SEMA3E: variants seen among roughly 807,000 people sequenced by gnomAD.
SEMA3E encodes the protein semaphorin 3E.
SEMA3E carries 49 observed loss-of-function variants against 93.6 expected under a neutral mutation model. The ratio of observed to expected loss-of-function variants is 0.52; its 90% confidence interval spans 0.42 to 0.66. The LOEUF (loss-of-function observed/expected upper bound fraction) is 0.66, where lower values mean the gene tolerates loss of function less well. Among genes scored for constraint, SEMA3E ranks in the 30% least tolerant of loss-of-function variants. The pLI, the probability that SEMA3E is intolerant of heterozygous loss-of-function variation, is 0.00. For synonymous variants in SEMA3E, 363 were observed against 330.7 expected, an observed-to-expected ratio of 1.10 and a Z score of -1.06; for missense variants, 906 against 964.8, an observed-to-expected ratio of 0.94 and a Z score of 0.81.
At chr7:83,368,776 T>G (rs1849472900) in intron 16 of SEMA3E, among the ~76,000 whole-genome samples, 1 of 152,212 alleles carries the variant, frequency 6.6e-6, no homozygotes, top group Non-Finnish European at 1.5e-5. Context: ...AATAAATAAT[T>G]ATAATTCAGA....
At chr7:83,522,385 C>T (rs1442829782) in intron 1 of SEMA3E, among the ~76,000 whole-genome samples, 1 of 152,012 alleles carries the variant, frequency 6.6e-6, no homozygotes, top group Non-Finnish European at 1.5e-5. Context: ...TAGCCATTGA[C>T]CAATATTTGA....
chr7:83,449,086 A>C (rs1442655573), intron 4 of SEMA3E, among the ~76,000 whole-genome samples: 1 of 126,180 alleles, frequency 7.9e-6, no homozygotes, highest in African/African-American at 2.6e-5. Flanking sequence ...TTATTTTTTA[A>C]ATTTTATTTA....
chr7:83,567,596 CAAG>C (rs1792189260), intron 1 of SEMA3E, among the ~76,000 whole-genome samples: 1 of 151,960 alleles, frequency 6.6e-6, no homozygotes, highest in Admixed American at 6.6e-5. Flanking sequence ...AAGTCAGTAA[CAAG>C]AAGAACTTTG....
chr7:83,458,455 G>A (rs984968984), intron 4 of SEMA3E, among the ~76,000 whole-genome samples: 3 of 152,052 alleles, frequency 2.0e-5, no homozygotes, highest in African/African-American at 7.2e-5. Flanking sequence ...ATGTGGAAAT[G>A]AATGGCTAGA....
At chr7:83,430,399 A>G (rs536296123) in intron 4 of SEMA3E, among the ~76,000 whole-genome samples, 35 of 152,086 alleles carry the variant, frequency 2.3e-4, no homozygotes, top group African/African-American at 8.0e-4. Flanking sequence ...CAGGAGACAG[A>G]GGTTACAGTG....
chr7:83,418,364 C>T (rs897957433), intron 5 of SEMA3E, 26 bp downstream of exon 5: 3 of 1,492,066 alleles, frequency 2.0e-6, no homozygotes, highest in Middle Eastern at 3.4e-4. Flanking sequence ...TGACTACCAC[C>T]TGATGTCTGT....
At chr7:83,552,363 C>T (rs552927855) in intron 1 of SEMA3E, among the ~76,000 whole-genome samples, 255 of 152,220 alleles carry the variant, frequency 1.7e-3, no homozygotes, top group African/African-American at 5.9e-3. Flanking sequence ...ACCTCAAGAC[C>T]ACTGTGATAA....
At chr7:83,403,577 G>T (rs1788271821) in intron 9 of SEMA3E, among the ~76,000 whole-genome samples, 1 of 151,828 alleles carries the variant, frequency 6.6e-6, no homozygotes, top group South Asian at 2.1e-4. Flanking sequence ...CCTTAATTTA[G>T]CATGAACTGA....
chr7:83,618,009 G>A lies in SEMA3E; in HGVS notation c.115+30419C>T, dbSNP rs140407056. 9.8e-4 allele frequency among the ~76,000 whole-genome samples: 149 copies of A among 152,108 alleles called. 3 individuals are homozygous for A. The East Asian group carries it at 0.027, about 27-fold the overall frequency. ...TAAGGAAGATAACAAATAAGACATA[G>A]CCCTTTGTGCATTTTGCTTTACTCA... is the stretch of plus-strand genomic sequence containing the variant. On this transcript the variant is annotated intron_variant, in intron 1 of 16. Coordinates refer to ENST00000643230, the MANE Select transcript of SEMA3E (RefSeq NM_012431.3).
At chr7:83,536,552 GAATC>G (rs1260883334) in intron 1 of SEMA3E, among the ~76,000 whole-genome samples, 1 of 151,760 alleles carries the variant, frequency 6.6e-6, no homozygotes, top group Non-Finnish European at 1.5e-5. Flanking sequence ...AACAATAAAA[GAATC>G]AAGCCTACAA....
At chr7:83,397,050 C>T (rs145538356) in intron 11 of SEMA3E, among the ~76,000 whole-genome samples, 11 of 148,432 alleles carry the variant, frequency 7.4e-5, no homozygotes, top group African/African-American at 2.7e-4. Flanking sequence ...CACTGCACTA[C>T]AGCCTGGGGG....
At chr7:83,507,021 G>A (rs1355237638) in intron 1 of SEMA3E, among the ~76,000 whole-genome samples, 2 of 152,152 alleles carry the variant, frequency 1.3e-5, no homozygotes, top group African/African-American at 4.8e-5. Context: ...CATCTCCTTT[G>A]AGAATCAACT....
chr7:83,414,811 G>A lies in SEMA3E; in HGVS notation c.550+3579C>T, dbSNP rs183091473. Among the ~76,000 whole-genome samples, 513 of 152,018 alleles carry A rather than the reference G, an allele frequency of 3.4e-3. 5 individuals are homozygous for A. Among genetic ancestry groups the A allele is most frequent in the Non-Finnish European group, 6.2e-3 (419 of 67,950 alleles). On this transcript the variant is annotated intron_variant, in intron 5 of 16. Coordinates refer to ENST00000643230, the MANE Select transcript of SEMA3E (RefSeq NM_012431.3). Reference sequence around the variant, plus strand: ...TTTTTTCCCCAAACTCTAGCTACATGTGTCTTATCATACCTTAGGCATTTC... The same window carrying A: ...TTTTTTCCCCAAACTCTAGCTACATATGTCTTATCATACCTTAGGCATTTC...
chr7:83,618,961 T>C (rs1793487737), intron 1 of SEMA3E, among the ~76,000 whole-genome samples: 1 of 151,826 alleles, frequency 6.6e-6, no homozygotes, highest in Non-Finnish European at 1.5e-5. Context: ...TAGAAAAACA[T>C]ACCCATCATA....
chr7:83,406,950 A>C, intron 7 of SEMA3E, 147 bp downstream of exon 7: 4 of 909,628 alleles, frequency 4.4e-6, no homozygotes, highest in Non-Finnish European at 6.8e-6. Flanking sequence ...CTAGATATGA[A>C]ATGTAGAGGT....
intron 1 of SEMA3E, among the ~76,000 whole-genome samples, chr7:83,580,948 A>G (rs17157867): frequency 0.043 from 6,538 of 152,012 alleles, 383 homozygotes; most frequent in African/African-American, 0.13. Flanking sequence ...TTATTATTGC[A>G]GTTCATTATA....
chr7:83,554,724 C>T (rs1342652711), intron 1 of SEMA3E, among the ~76,000 whole-genome samples: 1 of 152,114 alleles, frequency 6.6e-6, no homozygotes, highest in Admixed American at 6.5e-5. Context: ...CTACTGTAAT[C>T]CCAGCACTTT....
chr7:83,414,898 T>G (rs537678081), intron 5 of SEMA3E, among the ~76,000 whole-genome samples: 5 of 152,054 alleles, frequency 3.3e-5, no homozygotes, highest in Admixed American at 6.6e-5. Context: ...AGAATAAAAT[T>G]TAAAAATAAA....
intron 16 of SEMA3E, among the ~76,000 whole-genome samples, chr7:83,368,754 A>G (rs1355413479): frequency 6.6e-6 from 1 of 152,212 alleles, no homozygotes; most frequent in Non-Finnish European, 1.5e-5. Flanking sequence ...TAATACTCAC[A>G]TTATTTCTAT....
Sources: allele counts gnomAD v4.1 joint callset (sites outside exome capture counted in the v4.1 genomes callset), GRCh38; gene constraint gnomAD v4.1.1; transcripts MANE v1.5; gene names NCBI Gene and HGNC (gene_info 2026-07-23, HGNC 2026-07-21).